MTSS2: variants seen among roughly 807,000 people sequenced by gnomAD.
MTSS2 encodes the protein MTSS I-BAR domain containing 2, also known as protein MTSS 2.
In MTSS2, 27 loss-of-function variants were observed where a neutral mutation model predicts 67.1. The ratio of observed to expected loss-of-function variants is 0.40; its 90% CI spans 0.30 to 0.55. The LOEUF (loss-of-function observed/expected upper bound fraction) is 0.55, where lower values mean the gene tolerates loss of function less well. MTSS2 is among the 20% of genes least tolerant of loss of function. The probability of loss-of-function intolerance (pLI) is 0.43; values close to 1 mark genes in which losing one functional copy is unlikely to be tolerated. For synonymous variants in MTSS2, 624 were observed against 468.6 expected (o/e 1.33, Z -4.28); for missense variants, 1,171 against 1,067.8 (o/e 1.10, Z -1.35).
chr16:70,664,894 G>A (rs750083032), intron 13 of MTSS2, 26 bp downstream of exon 13: 155 of 1,526,992 alleles, frequency 1.0e-4, no homozygotes, highest in Non-Finnish European at 1.2e-4. Flanking sequence ...TGACCTGGGC[G>A]TGAAGGGGGG....
In MTSS2 at chr16:70,664,641, C is replaced by A; in HGVS notation, c.1428G>T (p.Gln476His). The part of the protein sequence containing the change: ...SLQYSSGYST[Q>H]TTTPSCSEDT... ...CCTCAGAGCAGGAGGGCGTGGTGGT[C>A]TGCGTGCTGTAGCCGCTGGAGTACT... The change falls in exon 14 of 15, where the codon CAG (glutamine) becomes CAT (histidine). Residue 476 changes from glutamine to histidine, a missense_variant. Physicochemically the swap from Gln to His is conservative, Grantham distance 24. Around this residue, in one of 2 missense-constraint regions of MTSS2, gnomAD observed 924 missense variants for 756.0 expected, o/e 1.22. Transcript: ENST00000338779. 1 of 1,613,336 alleles carries A rather than the reference C, an allele frequency of 6.2e-7. No homozygotes were observed. Among genetic ancestry groups the A allele is most frequent in the Non-Finnish European group, 8.5e-7 (1 of 1,179,926 alleles).
rs1010826677 is a variant in MTSS2 at position 70,661,205 on chromosome 16, G to GTTAA, written c.*2468_*2471dup. On this transcript the variant is annotated 3_prime_UTR_variant, in exon 15 of 15. Transcript: ENST00000338779. Reference sequence around the variant, plus strand: ...GAAGCAGCCAGGCAGAGGCAGGGGTGTTAATTACAGTACACCTTTATTAAT... The same window carrying GTTAA: ...GAAGCAGCCAGGCAGAGGCAGGGGTGTTAATTAATTACAGTACACCTTTATTAAT... 5.9e-4 allele frequency: 264 copies of GTTAA among 449,222 alleles called. 4 individuals are homozygous for GTTAA. The highest frequency in any genetic ancestry group is 5.3e-3 in the Admixed American group (223 of 41,932). 27.8% of individuals were successfully genotyped at this position (449,222 alleles called of 1,614,324 possible).
In MTSS2 at chr16:70,665,324, G is replaced by A. The variant is rs1482571604; in HGVS notation, c.1128+142C>T. 9.9e-6 allele frequency: 10 copies of A among 1,006,236 alleles called. No homozygotes were observed. In the African/African-American group the frequency reaches 1.1e-4, roughly 11 times the overall value. The allele number at this position is 1,006,236 out of a possible 1,614,324, so 62.3% of individuals were successfully genotyped here. On this transcript the variant is annotated intron_variant, in intron 12 of 14. Coordinates refer to ENST00000338779, the MANE Select transcript of MTSS2 (RefSeq NM_138383.3). ...AGTGACTGTAGGAAATGGCCAGGTG[G>A]CTTGTCTCTTGGGGACAGGTGCTGT...
In MTSS2 at chr16:70,670,234, G is replaced by GCACT. The variant is rs376110028; in HGVS notation, c.1053+4068_1053+4071dup. On this transcript the variant is annotated intron_variant, in intron 11 of 14. Coordinates refer to ENST00000338779, the MANE Select transcript of MTSS2 (RefSeq NM_138383.3). ...TGCAGTGAGCTGAAATTGCACCACT[G>GCACT]CACTCCAGCCTGGGCAACAGAGTGA... Among the ~76,000 whole-genome samples the GCACT allele has an allele frequency of 1.4e-3, 215 of 152,296 alleles. 3 individuals are homozygous for GCACT. Among genetic ancestry groups the GCACT allele is most frequent in the African/African-American group, 4.7e-3 (196 of 41,554 alleles).
chr16:70,664,532 G>A, intron 14 of MTSS2, 66 bp downstream of exon 14: 1 of 1,581,444 alleles, frequency 6.3e-7, no homozygotes, highest in South Asian at 1.2e-5. Context: ...GAGGGGGAAG[G>A]ACGGGGCCCT....
At chr16:70,670,961 C>G (rs1376374268) in intron 11 of MTSS2, among the ~76,000 whole-genome samples, 10 of 134,292 alleles carry the variant, frequency 7.4e-5, no homozygotes, top group Non-Finnish European at 1.6e-4. Context: ...CAGAGTGAGA[C>G]CCTGTCTCAA....
At chr16:70,676,783 G>A (rs1260480020) in intron 10 of MTSS2, 98 bp downstream of exon 10, 11 of 1,011,018 alleles carry the variant, frequency 1.1e-5, no homozygotes, top group Non-Finnish European at 1.2e-5. Flanking sequence ...TGAATTTTGA[G>A]GCCCTGAAGC....
At chr16:70,664,885 G>A (rs1464439611) in intron 13 of MTSS2, 35 bp downstream of exon 13, 3 of 1,524,072 alleles carry the variant, frequency 2.0e-6, no homozygotes, top group Admixed American at 4.0e-5. Flanking sequence ...TCCTGGGACT[G>A]ACCTGGGCGT....
At position 70,679,839 on chromosome 16, in the gene MTSS2, C is replaced by T. The variant is rs1198616676; in HGVS notation, c.329G>A (p.Arg110His). ...LESLINPLQERIEDWKKAANQ... is the reference protein window; with the variant it reads ...LESLINPLQEHIEDWKKAANQ... ...GGCCGCCTTCTTCCAGTCCTCGATG[C>T]GCTCCTGCAGCGGGTTGATGAGGCT... The change falls in exon 5 of 15, where the codon CGC becomes CAC. Residue 110 changes from arginine (R) to histidine (H), a missense_variant. Arg to His is a conservative substitution (Grantham distance 29, BLOSUM62 0). This residue lies in a region of MTSS2 where 247 missense variants were observed against 311.8 expected (regional missense o/e 0.79). Transcript: ENST00000338779. 1.9e-6 allele frequency: 3 copies of T among 1,606,192 alleles called. No homozygotes were observed. The highest frequency in any genetic ancestry group is 1.3e-5 in the African/African-American group (1 of 75,004).
At chr16:70,679,939 CGCCCCCCT>C (rs763500561) in intron 4 of MTSS2, 24 bp downstream of exon 4, 1 of 1,497,550 alleles carries the variant, frequency 6.7e-7, no homozygotes, top group Non-Finnish European at 8.9e-7. Context: ...CCCGTCCCCC[CGCCCCCCT>C]GCCCGCCCGC....
At position 70,665,081 on chromosome 16, in the gene MTSS2, C is replaced by A. The variant is rs765890015; in HGVS notation, c.1144G>T (p.Gly382Cys). 1.3e-6 allele frequency: 2 copies of A among 1,596,816 alleles called. No homozygotes were observed. The highest frequency in any genetic ancestry group is 1.7e-6 in the Non-Finnish European group (2 of 1,179,316). ...SSPTSDWSKV[G>C]SHEQPSGATL... Reference sequence around the variant, plus strand: ...GCGCCTGAGGGCTGCTCATGGGAGCCGACCTTGGACCAGTCCTGCAGGGAG... The same window carrying A: ...GCGCCTGAGGGCTGCTCATGGGAGCAGACCTTGGACCAGTCCTGCAGGGAG... The change falls in exon 13 of 15, where the codon GGC becomes TGC. Residue 382 changes from glycine (G) to cysteine (C), a missense_variant. Physicochemically the swap from Gly to Cys is radical, Grantham distance 159. Around this residue, in one of 2 missense-constraint regions of MTSS2, gnomAD observed 924 missense variants for 756.0 expected, o/e 1.22. Coordinates refer to ENST00000338779, the MANE Select transcript of MTSS2 (RefSeq NM_138383.3).
intron 11 of MTSS2, among the ~76,000 whole-genome samples, chr16:70,668,272 G>C (rs1449726709): frequency 6.6e-6 from 1 of 152,042 alleles, no homozygotes; most frequent in Non-Finnish European, 1.5e-5. Flanking sequence ...TTAGCTGGCT[G>C]TGGTGGTGCA....
In MTSS2 at chr16:70,669,671, C is replaced by G. The variant is rs576183129; in HGVS notation, c.1054-4131G>C. 3.4e-5 allele frequency among the ~76,000 whole-genome samples: 5 copies of G among 148,112 alleles called. No individual in the cohort carries two copies. The East Asian group carries it at 1.0e-3, about 30-fold the overall frequency. On this transcript the variant is annotated intron_variant, in intron 11 of 14. Coordinates refer to ENST00000338779, the MANE Select transcript of MTSS2 (RefSeq NM_138383.3). ...TCTCTACTAAAAATACAAAAATTAG[C>G]CCAGGTGTGGTGGCACACGCCTGTA... is the stretch of plus-strand genomic sequence containing the variant.
At position 70,661,307 on chromosome 16, in the gene MTSS2, G is replaced by A. The variant is rs1051141462; in HGVS notation, c.*2370C>T. 10 of 454,558 alleles carry A rather than the reference G, an allele frequency of 2.2e-5. No homozygotes were observed. The highest frequency in any genetic ancestry group is 1.2e-4 in the Admixed American group (5 of 42,364). 28.2% of individuals were successfully genotyped at this position (454,558 alleles called of 1,614,324 possible). On this transcript the variant is annotated 3_prime_UTR_variant, in exon 15 of 15. Transcript: ENST00000338779. ...TCGGGGAGGATGGTGTGGAGGGGGCGGGGAGGAGAGGAGAATTTTTCCAAA... is the reference window on the plus strand; with the variant it reads ...TCGGGGAGGATGGTGTGGAGGGGGCAGGGAGGAGAGGAGAATTTTTCCAAA...
rs1401897507 is a variant in MTSS2, at chr16:70,663,950, C to A, written c.1971G>T (p.Gly657=). 4 of 1,560,640 alleles carry A rather than the reference C, an allele frequency of 2.6e-6. No individual in the cohort carries two copies. In the South Asian group the frequency reaches 4.7e-5, roughly 18 times the overall value. The change falls in exon 15 of 15, where the codon GGG becomes GGT. Residue 657 remains glycine, a synonymous_variant. Transcript: ENST00000338779. The part of the protein sequence containing the change: ...SPSPEAAGYP[G]AGAEDEQQQL... ...GCTGCTGCTCGTCCTCGGCCCCTGC[C>A]CCGGGGTACCCGGCTGCCTCTGGGG...
intron 9 of MTSS2, 57 bp from the exon 10 acceptor site, chr16:70,677,035 C>CTCTGGCCCTACT: frequency 7.5e-7 from 1 of 1,327,396 alleles, no homozygotes; most frequent in Non-Finnish European, 1.1e-6. Flanking sequence ...CTAGTAGGGC[C>CTCTGGCCCTACT]AGAGGCCCCC....
In MTSS2 at chr16:70,678,234, A is replaced by G; in HGVS notation, c.624+18T>C. ...GCCCAGCCCACCCCTCTGGGGTCTG[A>G]GTCCCCAGGAGTCCCACCACCACAG... is the stretch of plus-strand genomic sequence containing the variant. On this transcript the variant is annotated intron_variant, in intron 8 of 14. Coordinates refer to ENST00000338779, the MANE Select transcript of MTSS2 (RefSeq NM_138383.3). 6 of 1,594,912 alleles carry G rather than the reference A, an allele frequency of 3.8e-6. No individual in the cohort carries two copies. Among genetic ancestry groups the G allele is most frequent in the Non-Finnish European group, 5.1e-6 (6 of 1,171,064 alleles).
At chr16:70,666,977 G>T (rs1167164793) in intron 11 of MTSS2, among the ~76,000 whole-genome samples, 1 of 152,098 alleles carries the variant, frequency 6.6e-6, no homozygotes, top group East Asian at 1.9e-4. Flanking sequence ...CAAATGGATT[G>T]GAAAGAAAAG....
At position 70,680,027 on chromosome 16, in the gene MTSS2, G is replaced by A; in HGVS notation, c.234C>T (p.Leu78=). 6.5e-7 allele frequency: 1 copy of A among 1,533,842 alleles called. No homozygotes were observed. Among genetic ancestry groups the A allele is most frequent in the East Asian group, 2.6e-5 (1 of 39,152 alleles). Residue 78 remains leucine, a synonymous_variant, in exon 4 of 15, where the codon CTC becomes CTT. Coordinates refer to ENST00000338779, the MANE Select transcript of MTSS2 (RefSeq NM_138383.3). ...RGATRDIGSA[L]TRMCMRHRSI... ...TGCGGTGGCGCATGCACATGCGTGT[G>A]AGCGCCGAGCCGATGTCCCTCGTGG...
Sources: gnomAD v4.1 joint callset for allele counts (sites outside exome capture counted in the v4.1 genomes callset) on GRCh38, gnomAD v4.1.1 for gene constraint, gnomAD v4.1.1 regional missense constraint, MANE v1.5 for transcripts, NCBI Gene and HGNC (gene_info 2026-07-23, HGNC 2026-07-21) for gene names.